The following ALDH3B2 variants were observed in gnomAD, a reference collection of about 807,000 sequenced individuals.
ALDH3B2 encodes aldehyde dehydrogenase family 3 member B2.
In ALDH3B2, 45 loss-of-function variants were observed where a neutral mutation model predicts 36.7. The ratio of observed to expected loss-of-function variants is 1.23; its 90% confidence interval spans 0.97 to 1.57. ALDH3B2 has a LOEUF of 1.57. Among genes scored for constraint, ALDH3B2 ranks in the 40% most tolerant of loss-of-function variants. The pLI, the probability that ALDH3B2 is intolerant of heterozygous loss-of-function variation, is 0.00. For synonymous variants in ALDH3B2, 217 were observed against 226.5 expected, an observed-to-expected ratio of 0.96 and a Z score of 0.38; for missense variants, 464 against 513.3, an observed-to-expected ratio of 0.90 and a Z score of 0.93.
At chr11:67,680,661 C>A (rs1405649287) in intron 1 of ALDH3B2, among the ~76,000 whole-genome samples, 1 of 152,168 alleles carries the variant, frequency 6.6e-6, no homozygotes, top group Non-Finnish European at 1.5e-5. Flanking sequence ...AAGTGATCCA[C>A]CTGCCTCGGC....
chr11:67,666,864 G>T (rs1855934288), intron 3 of ALDH3B2, 42 bp downstream of exon 3: 1 of 1,613,840 alleles, frequency 6.2e-7, no homozygotes, highest in Admixed American at 1.7e-5. Flanking sequence ...GAGCTACCCG[G>T]TGCCCTGCCC....
At chr11:67,667,146 C>A in intron 2 of ALDH3B2, 130 bp from the exon 3 acceptor site, 1 of 614,348 alleles carries the variant, frequency 1.6e-6, no homozygotes, top group Non-Finnish European at 2.9e-6. Context: ...GGAGGCACTG[C>A]CGTCCCCTGG....
chr11:67,664,437 C>T (rs1855838711), exon 8 of ALDH3B2: 2 of 1,614,062 alleles, frequency 1.2e-6, no homozygotes, highest in Non-Finnish European at 1.7e-6. Flanking sequence ...AGGGGCTTCT[C>T]CTGCCGGTTG....
At chr11:67,676,428 C>T (rs1049899413), upstream of ALDH3B2, among the ~76,000 whole-genome samples, 1 of 151,826 alleles carries the variant, frequency 6.6e-6, no homozygotes, top group East Asian at 1.9e-4. Context: ...GTGACACAAC[C>T]TATCAAAACC....
exon 9 of ALDH3B2, chr11:67,663,713 T>G (rs769140741): frequency 1.2e-6 from 2 of 1,613,176 alleles, no homozygotes; most frequent in Non-Finnish European, 1.7e-6. Flanking sequence ...AAGCCCTCAT[T>G]GCCTCCAAAG....
chr11:67,672,714 C>T lies in ALDH3B2; in HGVS notation c.-245+1723G>A, dbSNP rs140050763. ...AAATGATTCTCCTGCCTCAGCCTCC[C>T]GAGTAGCTGGTATTATAGGCATGCG... is the stretch of plus-strand genomic sequence containing the variant. On this transcript the variant is annotated intron_variant, in intron 1 of 9. Transcript: ENST00000349015. Among the ~76,000 whole-genome samples, 993 of 151,514 alleles carry T rather than the reference C, an allele frequency of 6.6e-3. 10 individuals carry two copies. Among genetic ancestry groups the T allele is most frequent in the African/African-American group, 0.023 (952 of 41,222 alleles).
chr11:67,665,671 C>G (rs1565246714), exon 7 of ALDH3B2: 1 of 1,602,522 alleles, frequency 6.2e-7, no homozygotes, highest in Non-Finnish European at 8.5e-7. Flanking sequence ...ACGAGGGCTC[C>G]CTGGGCGTGG....
rs1037256906 is a variant in ALDH3B2 at position 67,666,102 on chromosome 11, C to G, written c.319+20G>C. On this transcript the variant is annotated intron_variant, in intron 6 of 9. Transcript: ENST00000349015. Reference sequence around the variant, plus strand: ...ATGATCCCCTCCACCTACTCTGGGACCCTGGCCTGGCCCCCTCACCTGTGA... The same window carrying G: ...ATGATCCCCTCCACCTACTCTGGGAGCCTGGCCTGGCCCCCTCACCTGTGA... 6.2e-7 allele frequency: 1 copy of G among 1,613,124 alleles called. No homozygotes were observed. The highest frequency in any genetic ancestry group is 1.3e-5 in the African/African-American group (1 of 74,890).
In ALDH3B2 at chr11:67,672,088, T is replaced by TAG. The variant is rs71058720; in HGVS notation, c.-245+2348_-245+2349insCT. ...ATATATATATATATATATATATATA[T>TAG]GTATGTATGTATTTTGTGTGTGTGT... is the stretch of plus-strand genomic sequence containing the variant. On this transcript the variant is annotated intron_variant, in intron 1 of 9. Transcript: ENST00000349015. 7.6e-5 allele frequency among the ~76,000 whole-genome samples: 8 copies of TAG among 104,718 alleles called. 1 individual carries two copies. The East Asian group carries it at 1.9e-3, about 25-fold the overall frequency. The allele number at this position is 104,718 out of a possible 152,430, so 68.7% of individuals were successfully genotyped here.
intron 1 of ALDH3B2, among the ~76,000 whole-genome samples, chr11:67,669,716 G>A (rs1344797479): frequency 1.4e-5 from 2 of 146,794 alleles, no homozygotes; most frequent in Admixed American, 6.8e-5. Context: ...GTGTCTGTGT[G>A]CGTATGGGTG....
chr11:67,680,321 AAGAGTACCAG>A (rs1215560384), intron 1 of ALDH3B2, among the ~76,000 whole-genome samples: 1 of 152,210 alleles, frequency 6.6e-6, no homozygotes, highest in Non-Finnish European at 1.5e-5. Context: ...CTCAAGAAAA[AAGAGTACCAG>A]ATTATAATTT....
chr11:67,666,876 G>T (rs1388437459), intron 3 of ALDH3B2, 30 bp downstream of exon 3: 2 of 1,614,120 alleles, frequency 1.2e-6, no homozygotes, highest in East Asian at 4.5e-5. Context: ...GCCCTGCCCT[G>T]CCCTCCTGCC....
rs1390429530 is a variant in ALDH3B2, at chr11:67,665,227, C to T, written c.706+58G>A. 2.6e-6 allele frequency: 4 copies of T among 1,541,558 alleles called. No homozygotes were observed. The East Asian group carries it at 9.0e-5, about 35-fold the overall frequency. ...TCCAGACTCGTGGCCCAGCCGTGGG[C>T]CCTCCATTGAGAAAGGGTCTTGGCC... On this transcript the variant is annotated intron_variant, in intron 7 of 9. Coordinates refer to ENST00000349015, the Ensembl canonical transcript of ALDH3B2.
intron 6 of ALDH3B2, 90 bp from the exon 7 acceptor site, chr11:67,665,761 G>T (rs1281852230): frequency 1.3e-6 from 2 of 1,511,020 alleles, no homozygotes; most frequent in East Asian, 2.3e-5. Flanking sequence ...CTGGAGAGGT[G>T]TTGGAGTCGG....
exon 9 of ALDH3B2, chr11:67,663,680 C>T (rs779048817): frequency 9.9e-6 from 16 of 1,611,258 alleles, no homozygotes; most frequent in Middle Eastern, 3.3e-4. Flanking sequence ...CCGAATGGCA[C>T]GGACAGCAGA....
chr11:67,669,423 T>C (rs111068648), intron 1 of ALDH3B2, among the ~76,000 whole-genome samples: 3,055 of 149,846 alleles, frequency 0.02, 119 homozygotes, highest in African/African-American at 0.068. Flanking sequence ...TGTATGTGTG[T>C]GGGTGTGTGT....
Position 67,663,672 on chromosome 11 carries a change from G to GA in ALDH3B2, c.962dup (p.Gly322ArgfsTer79). ...TGGGCAGGGACCCACCGACTCCCCC[G>GA]AATGGCACGGACAGCAGAGATATGT... On this transcript the variant is annotated frameshift_variant, in exon 9 of 10. Transcript: ENST00000349015. LOFTEE classifies it low-confidence loss of function (END_TRUNC). The GA allele has an allele frequency of 6.2e-7, 1 of 1,610,426 alleles. No homozygotes were observed. Among genetic ancestry groups the GA allele is most frequent in the Admixed American group, 1.7e-5 (1 of 59,882 alleles).
At chr11:67,672,431 G>T (rs1256470127) in intron 1 of ALDH3B2, among the ~76,000 whole-genome samples, 1 of 151,702 alleles carries the variant, frequency 6.6e-6, no homozygotes, top group Non-Finnish European at 1.5e-5. Flanking sequence ...AGGATTACAG[G>T]CGTGAGCCAC....
upstream of ALDH3B2, among the ~76,000 whole-genome samples, chr11:67,675,098 G>C (rs1436254857): frequency 6.6e-6 from 1 of 152,152 alleles, no homozygotes; most frequent in Non-Finnish European, 1.5e-5. Context: ...CACTCTCAGT[G>C]TGCCCAGCTG....
Sources: allele counts gnomAD v4.1 joint callset (sites outside exome capture counted in the v4.1 genomes callset), GRCh38; gene constraint gnomAD v4.1.1; transcripts MANE v1.5; gene names NCBI Gene and HGNC (gene_info 2026-07-23, HGNC 2026-07-21).